Variants in DLGAP2 observed in about 807,000 individuals in gnomAD.
DLGAP2 encodes DLG associated protein 2.
A neutral mutation model predicts 100.3 loss-of-function variants in DLGAP2; 26 were observed. The ratio of observed to expected loss-of-function variants is 0.26; its 90% CI spans 0.19 to 0.36. The LOEUF is 0.36. DLGAP2 is among the 10% of genes least tolerant of loss of function. The pLI is 1.00. For missense variants in DLGAP2, 1,858 were observed against 1,453.2 expected, an observed-to-expected ratio of 1.28 and a Z score of -4.53; for synonymous variants, 886 against 630.1, an observed-to-expected ratio of 1.41 and a Z score of -6.08.
chr8:1,065,856 A>G (rs1346676342), intron 2 of DLGAP2, among the ~76,000 whole-genome samples: 1 of 152,100 alleles, frequency 6.6e-6, no homozygotes, highest in Non-Finnish European at 1.5e-5. Flanking sequence ...ATTCCGGGAA[A>G]TCTTTCCTAG....
chr8:857,990 C>T (rs1408549453), intron 1 of DLGAP2, among the ~76,000 whole-genome samples: 11 of 152,018 alleles, frequency 7.2e-5, no homozygotes, highest in African/African-American at 2.2e-4. Flanking sequence ...TGGGCCCAGC[C>T]TCCTGAGTAG....
chr8:1,624,851 CTCTCTCTCTCTCTCTCTG>C (rs1797449553), intron 6 of DLGAP2, among the ~76,000 whole-genome samples: 1 of 143,408 alleles, frequency 7.0e-6, no homozygotes, highest in Admixed American at 6.8e-5. Flanking sequence ...TGCTTTCTCT[CTCTCTCTCTCTCTCTCTG>C]TCTCTCTCTC....
intron 3 of DLGAP2, among the ~76,000 whole-genome samples, chr8:1,421,276 T>C (rs1000424374): frequency 2.0e-5 from 3 of 152,214 alleles, no homozygotes; most frequent in South Asian, 4.1e-4. Context: ...TGCTCTTCTT[T>C]GATTTTTCTA....
intron 2 of DLGAP2, among the ~76,000 whole-genome samples, chr8:1,228,455 C>T (rs1330502243): frequency 6.6e-6 from 1 of 152,170 alleles, no homozygotes; most frequent in African/African-American, 2.4e-5. Flanking sequence ...CCAACTCATT[C>T]TGTGAAGCCG....
At chr8:939,074 G>C (rs1799136865) in intron 2 of DLGAP2, among the ~76,000 whole-genome samples, 1 of 151,966 alleles carries the variant, frequency 6.6e-6, no homozygotes, top group Non-Finnish European at 1.5e-5. Context: ...GGGAGGTGCA[G>C]ACACAGGGGC....
At chr8:1,342,975 C>T (rs67397247) in intron 3 of DLGAP2, among the ~76,000 whole-genome samples, 1 of 152,194 alleles carries the variant, frequency 6.6e-6, no homozygotes, top group African/African-American at 2.4e-5. Flanking sequence ...CATGGTCGTG[C>T]ATGGGTGCGG....
chr8:919,525 C>T (rs1176217794), intron 2 of DLGAP2, among the ~76,000 whole-genome samples: 1 of 152,192 alleles, frequency 6.6e-6, no homozygotes, highest in African/African-American at 2.4e-5. Flanking sequence ...CATTTGCTGC[C>T]ACCATCCACC....
At chr8:1,386,484 T>C (rs1796223487) in intron 3 of DLGAP2, among the ~76,000 whole-genome samples, 1 of 152,128 alleles carries the variant, frequency 6.6e-6, no homozygotes, top group Non-Finnish European at 1.5e-5. Flanking sequence ...ACCTGCAGAA[T>C]TCCCTCCAGA....
rs558960642 is a variant in DLGAP2 at position 1,231,478 on chromosome 8, C to T, written c.74-27373C>T. Among the ~76,000 whole-genome samples, 139 of 152,318 alleles carry T rather than the reference C, an allele frequency of 9.1e-4. 1 individual carries two copies. The highest frequency in any genetic ancestry group is 3.4e-3 in the Middle Eastern group (1 of 294). ...ACTGTTTGACGCAGCAATCCCATTA[C>T]TGGCTATGTATCCAAAAGAAAACAA... On this transcript the variant is annotated intron_variant, in intron 2 of 14. Transcript: ENST00000637795.
At chr8:1,568,161 C>T (rs1802484358) in intron 6 of DLGAP2, among the ~76,000 whole-genome samples, 1 of 149,834 alleles carries the variant, frequency 6.7e-6, no homozygotes, top group Admixed American at 6.6e-5. Flanking sequence ...GGCCCCCATG[C>T]CACTGTCCAC....
intron 1 of DLGAP2, among the ~76,000 whole-genome samples, chr8:907,531 T>G (rs1389364318): frequency 6.6e-6 from 1 of 152,178 alleles, no homozygotes; most frequent in Admixed American, 6.5e-5. Flanking sequence ...CCAACAGCCC[T>G]CCATTTCCAG....
At chr8:1,282,423 A>C (rs1435135896) in intron 3 of DLGAP2, among the ~76,000 whole-genome samples, 1 of 122,936 alleles carries the variant, frequency 8.1e-6, no homozygotes, top group African/African-American at 3.0e-5. Flanking sequence ...AGCGCCCTGA[A>C]CCATCCGGAC....
At chr8:1,563,950 C>G (rs1385045031) in intron 5 of DLGAP2, among the ~76,000 whole-genome samples, 3 of 152,200 alleles carry the variant, frequency 2.0e-5, no homozygotes, top group Admixed American at 1.3e-4. Flanking sequence ...AAAAAATACC[C>G]TGTCTGAAGA....
intron 2 of DLGAP2, chr8:1,019,177 G>T (rs1801557997): frequency 6.6e-6 from 1 of 152,194 alleles, no homozygotes; most frequent in South Asian, 2.1e-4. Context: ...TAGAGTGAGT[G>T]TGAACAGCTT....
chr8:1,413,372 C>T (rs1330625502), intron 3 of DLGAP2, among the ~76,000 whole-genome samples: 2 of 151,950 alleles, frequency 1.3e-5, no homozygotes, highest in Non-Finnish European at 1.5e-5. Flanking sequence ...AATGAACAAC[C>T]TATTGAAGAA....
chr8:1,697,129 C>A lies in DLGAP2; in HGVS notation c.2797-18C>A, dbSNP rs770753647. 23 of 1,549,234 alleles carry A rather than the reference C, an allele frequency of 1.5e-5. No individual in the cohort carries two copies. Among genetic ancestry groups the A allele is most frequent in the Non-Finnish European group, 1.9e-5 (22 of 1,146,220 alleles). ...CAGGAGACTCTCCTGGCTCTGAACACCCTGTGTGTGTCCCCAGGACCCCAG... is the reference window on the plus strand; with the variant it reads ...CAGGAGACTCTCCTGGCTCTGAACAACCTGTGTGTGTCCCCAGGACCCCAG... On this transcript the variant is annotated intron_variant, in intron 13 of 14. Coordinates refer to ENST00000637795, the MANE Select transcript of DLGAP2 (RefSeq NM_001346810.2).
chr8:1,103,368 C>T (rs73524647), intron 2 of DLGAP2, among the ~76,000 whole-genome samples: 6,406 of 147,626 alleles, frequency 0.043, 312 homozygotes, highest in African/African-American at 0.088. Flanking sequence ...TGATGACTGA[C>T]GGGGACTTGG....
At chr8:1,426,417 C>T (rs1253690943) in intron 3 of DLGAP2, among the ~76,000 whole-genome samples, 2 of 151,970 alleles carry the variant, frequency 1.3e-5, no homozygotes, top group Non-Finnish European at 2.9e-5. Flanking sequence ...GAAGCAGGAG[C>T]CCAGAGCTAG....
At chr8:1,637,923 A>G (rs949818911) in intron 8 of DLGAP2, among the ~76,000 whole-genome samples, 2 of 152,166 alleles carry the variant, frequency 1.3e-5, no homozygotes, top group Admixed American at 6.5e-5. Context: ...AAGAGTTGAG[A>G]GGCTTCAGGG....
Sources: gnomAD v4.1 joint callset for allele counts (sites outside exome capture counted in the v4.1 genomes callset) on GRCh38, gnomAD v4.1.1 for gene constraint, MANE v1.5 for transcripts, NCBI Gene and HGNC (gene_info 2026-07-23, HGNC 2026-07-21) for gene names.